HEXD: variants seen among roughly 807,000 people sequenced by gnomAD.
The protein encoded by HEXD is hexosaminidase D.
A neutral mutation model predicts 54.2 loss-of-function variants in HEXD; 47 were observed. The ratio of observed to expected loss-of-function variants is 0.87; its 90% confidence interval spans 0.69 to 1.11. HEXD has a LOEUF of 1.11. HEXD is among the 50% of genes least tolerant of loss of function. The probability of loss-of-function intolerance (pLI) is 0.00; values close to 1 mark genes in which losing one functional copy is unlikely to be tolerated. For synonymous variants in HEXD, 293 were observed against 287.6 expected (o/e 1.02, Z -0.19); for missense variants, 576 against 649.2 (o/e 0.89, Z 1.23).
In HEXD at chr17:82,435,144, C is replaced by G. The variant is rs556432045; in HGVS notation, c.448-545C>G. Among the ~76,000 whole-genome samples the G allele has an allele frequency of 1.3e-4, 20 of 152,358 alleles. 1 individual carries two copies. The South Asian group carries it at 4.1e-3, about 32-fold the overall frequency. On this transcript the variant is annotated intron_variant, in intron 5 of 12. Transcript: ENST00000327949. ...CCAGCCTGGGCAACAGAGCAAGACCCTGTCTCCAAAATAAATAAATAAGTA... is the reference window on the plus strand; with the variant it reads ...CCAGCCTGGGCAACAGAGCAAGACCGTGTCTCCAAAATAAATAAATAAGTA...
Position 82,441,730 on chromosome 17 carries a change from G to A in HEXD, c.1164-70G>A, listed in dbSNP as rs897234240. On this transcript the variant is annotated intron_variant, in intron 11 of 12. Coordinates refer to ENST00000327949, the MANE Select transcript of HEXD (RefSeq NM_001330542.2). ...TCAACCCCATTCTTAAACATTTTCT[G>A]TATTACTGCAAAGCCGCCCCACGGC... 16 of 1,139,776 alleles carry A rather than the reference G, an allele frequency of 1.4e-5. No individual in the cohort carries two copies. The African/African-American group carries it at 1.7e-4, about 12-fold the overall frequency. 70.6% of individuals were successfully genotyped at this position (1,139,776 alleles called of 1,614,324 possible).
In HEXD at chr17:82,419,536, TG is replaced by T. The variant is rs370204353; in HGVS notation, c.-51-212del. Among the ~76,000 whole-genome samples the T allele has an allele frequency of 2.3e-4, 35 of 152,378 alleles. No individual in the cohort carries two copies. The East Asian group carries it at 3.9e-3, about 17-fold the overall frequency. ...AACCATCTTATAAACAAACTAGTGC[TG>T]TTTTGTTTTAGCAACAAATCACACA... On this transcript the variant is annotated intron_variant, in intron 1 of 12. Transcript: ENST00000327949.
At chr17:82,440,916 A>G in intron 9 of HEXD, 81 bp from the exon 10 acceptor site, 1 of 1,501,424 alleles carries the variant, frequency 6.7e-7, no homozygotes, top group Non-Finnish European at 9.2e-7. Flanking sequence ...CTGCCCCAGT[A>G]CCTAGGCCTG....
At chr17:82,438,926 G>A (rs184311233) in intron 8 of HEXD, among the ~76,000 whole-genome samples, 121 of 152,382 alleles carry the variant, frequency 7.9e-4, no homozygotes, top group African/African-American at 2.6e-3. Flanking sequence ...CCAGAGCAGC[G>A]GCGCATCCTT....
Position 82,441,028 on chromosome 17 carries a change from G to A in HEXD, c.1014G>A (p.Val338=). 1.2e-6 allele frequency: 2 copies of A among 1,613,646 alleles called. No individual in the cohort carries two copies. Among genetic ancestry groups the A allele is most frequent in the Non-Finnish European group, 1.7e-6 (2 of 1,180,010 alleles). The stretch of plus-strand genomic sequence containing the variant: ...TTGATGAAGATGTTAAAGCGAAAGT[G>A]GAGAACCTTCTCGGGATTTCCAGCC... ...GGFDEDVKAK[V]ENLLGISSLE... Residue 338 remains valine, a synonymous_variant, in exon 10 of 13, where the codon GTG becomes GTA. Transcript: ENST00000327949.
intron 4 of HEXD, among the ~76,000 whole-genome samples, chr17:82,432,246 C>G (rs899109802): frequency 6.6e-6 from 1 of 152,178 alleles, no homozygotes; most frequent in African/African-American, 2.4e-5. Context: ...TGGCCCCCGT[C>G]AGCCAGGCCT....
Position 82,419,755 on chromosome 17 carries a change from G to A in HEXD, c.-45G>A, listed in dbSNP as rs759975649. 7.9e-7 allele frequency: 1 copy of A among 1,266,596 alleles called. No individual in the cohort carries two copies. The highest frequency in any genetic ancestry group is 1.7e-5 in the Admixed American group (1 of 57,492). The allele number at this position is 1,266,596 out of a possible 1,614,324, so 78.5% of individuals were successfully genotyped here. On this transcript the variant is annotated 5_prime_UTR_variant, in exon 2 of 13. Coordinates refer to ENST00000327949, the MANE Select transcript of HEXD (RefSeq NM_001330542.2). ...TCTTGATTTTCTCCACTAGGAAGAA[G>A]TCCCCAAGGAGACTTCGCCATAGGA...
chr17:82,424,202 G>A (rs556915951), intron 2 of HEXD, among the ~76,000 whole-genome samples, 192 bp from the exon 3 acceptor site: 29 of 152,208 alleles, frequency 1.9e-4, no homozygotes, highest in Non-Finnish European at 3.8e-4. Context: ...GTGCAAAATA[G>A]TCACTGGAAC....
intron 8 of HEXD, among the ~76,000 whole-genome samples, chr17:82,438,685 C>T (rs572767473): frequency 6.6e-6 from 1 of 152,338 alleles, no homozygotes; most frequent in East Asian, 1.9e-4. Flanking sequence ...CCAGGGGCCC[C>T]GTGCCCTCAC....
At chr17:82,433,091 A>AAAAAAAAAAATATAT (rs1555617647) in intron 4 of HEXD, among the ~76,000 whole-genome samples, 1 of 13,234 alleles carries the variant, frequency 7.6e-5, no homozygotes, top group Admixed American at 1.7e-3. Flanking sequence ...AAAAAAAAAA[A>AAAAAAAAAAATATAT]ATATATATAT....
intron 2 of HEXD, among the ~76,000 whole-genome samples, chr17:82,422,183 A>T (rs951034223): frequency 1.3e-5 from 2 of 150,724 alleles, no homozygotes; most frequent in Non-Finnish European, 3.0e-5. Flanking sequence ...AAAAAAAAAG[A>T]AAAAAGAAGA....
rs1171866164 is a variant in HEXD, at chr17:82,433,764, T to C, written c.389T>C (p.Ile130Thr). The part of the protein sequence containing the change: ...AESLALVGAM[I>T]DQVLELHPGA... Reference sequence around the variant, plus strand: ...TCCCTGGCGCTGGTGGGCGCCATGATTGACCAGGTCCTGGAGCTACACCCA... The same window carrying C: ...TCCCTGGCGCTGGTGGGCGCCATGACTGACCAGGTCCTGGAGCTACACCCA... The change falls in exon 5 of 13, where the codon ATT (isoleucine) becomes ACT (threonine). Residue 130 changes from isoleucine (I) to threonine (T), a missense_variant. By Grantham distance (89) the Ile-to-Thr change is moderately conservative. Transcript: ENST00000327949. 1 of 1,612,914 alleles carries C rather than the reference T, an allele frequency of 6.2e-7. No individual in the cohort carries two copies. The highest frequency in any genetic ancestry group is 8.5e-7 in the Non-Finnish European group (1 of 1,179,806).
chr17:82,423,603 A>T (rs1454086857), intron 2 of HEXD: 1 of 152,282 alleles, frequency 6.6e-6, no homozygotes. Flanking sequence ...ACCTGAGGTC[A>T]GGAGTTCGAG....
intron 2 of HEXD, among the ~76,000 whole-genome samples, chr17:82,421,330 C>G (rs1220583674): frequency 1.3e-5 from 2 of 152,144 alleles, no homozygotes; most frequent in Non-Finnish European, 2.9e-5. Flanking sequence ...AAGGACAAAA[C>G]AGGGAAAGCA....
intron 3 of HEXD, 95 bp from the exon 4 acceptor site, chr17:82,428,463 G>GC (rs2053483846): frequency 3.0e-6 from 3 of 983,952 alleles, no homozygotes; most frequent in Non-Finnish European, 3.2e-6. Context: ...TTCCCGGAGA[G>GC]CCCCCCAGGG....
intron 2 of HEXD, among the ~76,000 whole-genome samples, chr17:82,422,347 C>G (rs1480753778): frequency 2.6e-5 from 4 of 151,188 alleles, no homozygotes; most frequent in African/African-American, 9.7e-5. Flanking sequence ...ATAGAAAAGC[C>G]CAGGCCAGGC....
chr17:82,440,420 A>T lies in HEXD; in HGVS notation c.983-577A>T, dbSNP rs1483430507. 4 of 777,306 alleles carry T rather than the reference A, an allele frequency of 5.1e-6. No homozygotes were observed. In the South Asian group the frequency reaches 5.3e-5, roughly 10 times the overall value. 48.2% of individuals were successfully genotyped at this position (777,306 alleles called of 1,614,324 possible). On this transcript the variant is annotated intron_variant, in intron 9 of 12. Transcript: ENST00000327949. ...AAAGGGGCAGAAACGATAAAAACAG[A>T]CACCCCTGTACCCCACACTAAAGAG...
At chr17:82,420,861 C>A (rs1229045704) in intron 2 of HEXD, among the ~76,000 whole-genome samples, 1 of 152,138 alleles carries the variant, frequency 6.6e-6, no homozygotes, top group African/African-American at 2.4e-5. Context: ...CCACCGCACC[C>A]GGCCAAGCCA....
chr17:82,435,963 C>T, intron 6 of HEXD, 91 bp downstream of exon 6: 4 of 1,313,142 alleles, frequency 3.0e-6, no homozygotes, highest in Admixed American at 4.1e-5. Context: ...GAAGTGGGCC[C>T]CAGGGTGAGC....
Sources: allele counts gnomAD v4.1 joint callset (sites outside exome capture counted in the v4.1 genomes callset), GRCh38; gene constraint gnomAD v4.1.1; transcripts MANE v1.5; gene names NCBI Gene and HGNC (gene_info 2026-07-23, HGNC 2026-07-21).